The following COBL variants were observed in gnomAD, a reference collection of about 807,000 sequenced individuals.
COBL encodes protein cordon-bleu.
Under a neutral mutation model 98.8 loss-of-function variants are expected in COBL, and 51 were observed. That is an observed-to-expected ratio of 0.52 (90% CI 0.41 to 0.65). The LOEUF (loss-of-function observed/expected upper bound fraction) is 0.65. Among genes scored for constraint, COBL ranks in the 30% least tolerant of loss-of-function variants. The pLI, the probability that COBL is intolerant of heterozygous loss-of-function variation, is 0.00. For missense variants in COBL, 1,617 were observed against 1,617.5 expected, an observed-to-expected ratio of 1.00 and a Z score of 0.01; for synonymous variants, 634 against 651.7, an observed-to-expected ratio of 0.97 and a Z score of 0.41.
chr7:51,294,329 TAA>T (rs201879039), intron 1 of COBL, among the ~76,000 whole-genome samples: 26 of 111,586 alleles, frequency 2.3e-4, no homozygotes, highest in East Asian at 2.1e-3. Context: ...AATAAATAAA[TAA>T]AAATAAATAA....
At chr7:51,205,647 G>GTTTTTTTTT (rs11463515) in intron 2 of COBL, among the ~76,000 whole-genome samples, 1 of 142,412 alleles carries the variant, frequency 7.0e-6, no homozygotes, top group Non-Finnish European at 1.5e-5. Context: ...TTGGTTTTTT[G>GTTTTTTTTT]TTTTTTTTTT....
Position 51,177,084 on chromosome 7 carries a change from A to G in COBL, c.783+7018T>C, listed in dbSNP as rs548678798. 5.3e-5 allele frequency among the ~76,000 whole-genome samples: 8 copies of G among 152,190 alleles called. 1 individual carries two copies. Among genetic ancestry groups the G allele is most frequent in the Non-Finnish European group, 1.2e-4 (8 of 68,038 alleles). ...ATTTCTGGTAGGTGTTTAAGGTCAT[A>G]AAACTGTTGCTTCTGTGATATTGTT... On this transcript the variant is annotated intron_variant, in intron 5 of 12. Coordinates refer to ENST00000265136, the MANE Select transcript of COBL (RefSeq NM_015198.5).
intron 3 of COBL, among the ~76,000 whole-genome samples, chr7:51,192,797 A>G (rs1023452577): frequency 6.6e-6 from 1 of 152,188 alleles, no homozygotes; most frequent in Non-Finnish European, 1.5e-5. Context: ...GAAGATGTTT[A>G]AATCTTCTAT....
intron 7 of COBL, among the ~76,000 whole-genome samples, chr7:51,060,090 T>C (rs1791177754): frequency 6.6e-6 from 1 of 152,182 alleles, no homozygotes; most frequent in South Asian, 2.1e-4. Flanking sequence ...CGCTTCACCC[T>C]GGCTGTCTGA....
At chr7:51,079,147 C>T (rs1446554764) in intron 7 of COBL, among the ~76,000 whole-genome samples, 2 of 152,184 alleles carry the variant, frequency 1.3e-5, no homozygotes, top group African/African-American at 4.8e-5. Flanking sequence ...GAGAGGCCAA[C>T]ACACAACTGA....
chr7:51,170,494 A>T (rs1265185910), intron 5 of COBL, among the ~76,000 whole-genome samples: 3 of 146,220 alleles, frequency 2.1e-5, no homozygotes, highest in African/African-American at 7.6e-5. Flanking sequence ...CTGAAACAAA[A>T]CCTGACACTG....
chr7:51,245,887 G>A (rs1796237301), intron 1 of COBL, among the ~76,000 whole-genome samples: 1 of 152,208 alleles, frequency 6.6e-6, no homozygotes, highest in Admixed American at 6.5e-5. Flanking sequence ...ACAAAGTTAG[G>A]TAAGGGACAA....
intron 6 of COBL, among the ~76,000 whole-genome samples, chr7:51,111,897 C>A (rs898786357): frequency 8.5e-5 from 13 of 152,252 alleles, no homozygotes; most frequent in East Asian, 3.9e-4. Flanking sequence ...GTACATAATG[C>A]GATTTATTTA....
intron 7 of COBL, among the ~76,000 whole-genome samples, chr7:51,078,748 A>T (rs1277563877): frequency 2.0e-5 from 3 of 152,176 alleles, no homozygotes. Context: ...TCTCATCTGT[A>T]GGCTCTACTG....
chr7:51,090,791 A>G (rs1794738702), intron 6 of COBL, among the ~76,000 whole-genome samples: 1 of 152,220 alleles, frequency 6.6e-6, no homozygotes, highest in Non-Finnish European at 1.5e-5. Flanking sequence ...GTCTCAGTTG[A>G]CCAGGAATAC....
At position 51,017,112 on chromosome 7, in the gene COBL, CAT is replaced by C. The variant is rs781776036; in HGVS notation, c.*437_*438del. On this transcript the variant is annotated 3_prime_UTR_variant, in exon 13 of 13. Coordinates refer to ENST00000265136, the MANE Select transcript of COBL (RefSeq NM_015198.5). ...CACATTCAGATTGTTCCATCTGATT[CAT>C]ATGTTTTTTCTAAAATTCAAAAGAT... is the stretch of plus-strand genomic sequence containing the variant. 2.6e-5 allele frequency: 11 copies of C among 425,694 alleles called. No homozygotes were observed. The highest frequency in any genetic ancestry group is 4.0e-5 in the Admixed American group (1 of 25,150). 26.4% of individuals were successfully genotyped at this position (425,694 alleles called of 1,614,324 possible). A position where few individuals can be genotyped will look rare whatever the true frequency, so the allele number is the denominator to read the frequency against.
intron 6 of COBL, among the ~76,000 whole-genome samples, chr7:51,110,464 AG>A (rs1796721162): frequency 6.6e-6 from 1 of 152,216 alleles, no homozygotes; most frequent in Non-Finnish European, 1.5e-5. Flanking sequence ...ATAGCAGAAT[AG>A]TACTCTATTG....
intron 7 of COBL, chr7:51,065,538 G>T: frequency 1.6e-6 from 1 of 614,454 alleles, no homozygotes; most frequent in Admixed American, 2.7e-5. Flanking sequence ...GGCTAGGGTG[G>T]GCTACAGCCA....
chr7:51,271,079 C>T (rs914158315), intron 1 of COBL, among the ~76,000 whole-genome samples: 2 of 152,178 alleles, frequency 1.3e-5, no homozygotes, highest in Non-Finnish European at 2.9e-5. Context: ...TGGGACAGGC[C>T]GCCAGGCCTG....
At chr7:51,133,132 C>T (rs1316020518) in intron 6 of COBL, among the ~76,000 whole-genome samples, 2 of 152,144 alleles carry the variant, frequency 1.3e-5, no homozygotes, top group East Asian at 1.9e-4. Context: ...CGTCTCTACA[C>T]AGCACGATGG....
chr7:51,085,436 A>G, intron 6 of COBL, 132 bp from the exon 7 acceptor site: 1 of 997,554 alleles, frequency 1.0e-6, no homozygotes, highest in Non-Finnish European at 1.4e-6. Flanking sequence ...GGGTTGTTAG[A>G]TGGCCAGTTC....
chr7:51,173,780 A>G (rs1788104240), intron 5 of COBL, among the ~76,000 whole-genome samples: 1 of 152,226 alleles, frequency 6.6e-6, no homozygotes, highest in Non-Finnish European at 1.5e-5. Flanking sequence ...AAGATGATAT[A>G]AAACTATAAT....
intron 5 of COBL, among the ~76,000 whole-genome samples, chr7:51,161,698 T>C (rs562066642): frequency 3.9e-5 from 6 of 152,142 alleles, no homozygotes; most frequent in Non-Finnish European, 8.8e-5. Context: ...TATCAAGAAA[T>C]GCAGAGATAT....
At chr7:51,262,196 C>T (rs1481474759) in intron 1 of COBL, among the ~76,000 whole-genome samples, 2 of 152,140 alleles carry the variant, frequency 1.3e-5, no homozygotes, top group African/African-American at 4.8e-5. Context: ...GTGGCCCAGC[C>T]CCAGGAGGCC....
Sources: gnomAD v4.1 joint callset for allele counts (sites outside exome capture counted in the v4.1 genomes callset) on GRCh38, gnomAD v4.1.1 for gene constraint, MANE v1.5 for transcripts, NCBI Gene and HGNC (gene_info 2026-07-23, HGNC 2026-07-21) for gene names.